VRK3: variants seen among roughly 807,000 people sequenced by gnomAD.
The protein encoded by VRK3 is serine/threonine-protein kinase VRK3.
Under a neutral mutation model 60.4 loss-of-function variants are expected in VRK3, and 50 were observed. That is an observed-to-expected ratio of 0.83 (90% CI 0.66 to 1.05). VRK3 has a LOEUF of 1.05. VRK3 is among the 50% of genes least tolerant of loss of function. The pLI is 0.00. For missense variants in VRK3, 549 were observed against 585.3 expected (o/e 0.94, Z 0.64); for synonymous variants, 246 against 227.8 (o/e 1.08, Z -0.72).
Position 49,988,476 on chromosome 19 carries a change from G to T in VRK3, c.1113C>A (p.Ser371Arg). The T allele has an allele frequency of 6.2e-7, 1 of 1,612,860 alleles. No homozygotes were observed. Among genetic ancestry groups the T allele is most frequent in the Non-Finnish European group, 8.5e-7 (1 of 1,179,328 alleles). ...LHKGCGPSRRSDLQSLGYCML... is the reference protein window; with the variant it reads ...LHKGCGPSRRRDLQSLGYCML... ...TGCAGTAGCCCAGGCTCTGGAGGTC[G>T]CTGCGGCGGGAGGGCCCTGGGGAAG... Residue 371 changes from serine (S) to arginine (R), a missense_variant, in exon 12 of 15, where the codon AGC (serine) becomes AGA (arginine). Coordinates refer to ENST00000316763, the MANE Select transcript of VRK3 (RefSeq NM_016440.4).
chr19:49,976,991 C>T lies in VRK3; in HGVS notation c.*12-207G>A, dbSNP rs192719627. On this transcript the variant is annotated intron_variant, in intron 14 of 14. Transcript: ENST00000316763. ...GAGACTACACACTAAACACACGCTT[C>T]CCTCCAGATGGGAACAAGGGCTGTG... Among the ~76,000 whole-genome samples, 243 of 152,236 alleles carry T rather than the reference C, an allele frequency of 1.6e-3. 1 individual carries two copies. Among genetic ancestry groups the T allele is most frequent in the Admixed American group, 3.3e-3 (50 of 15,292 alleles).
intron 10 of VRK3, among the ~76,000 whole-genome samples, chr19:49,992,596 ACAT>A (rs1397145471): frequency 5.9e-5 from 9 of 152,344 alleles, no homozygotes; most frequent in Admixed American, 5.9e-4. Flanking sequence ...GTTTTAAGTT[ACAT>A]CTCTATAGTT....
At chr19:49,982,306 C>T (rs1355057544) in intron 12 of VRK3, 4 of 684,468 alleles carry the variant, frequency 5.8e-6, no homozygotes, top group East Asian at 2.7e-5. Flanking sequence ...CATCAGACAG[C>T]CCTTCAGCAT....
At chr19:50,003,630 A>C (rs1438511977) in intron 5 of VRK3, among the ~76,000 whole-genome samples, 1 of 152,260 alleles carries the variant, frequency 6.6e-6, no homozygotes, top group African/African-American at 2.4e-5. Context: ...AGAGTGGGGT[A>C]AAGTGTCCAC....
At chr19:49,982,119 C>T in intron 12 of VRK3, 1 of 702,950 alleles carries the variant, frequency 1.4e-6, no homozygotes. Context: ...CTGCAAACTG[C>T]TGACGGTGAC....
intron 3 of VRK3, among the ~76,000 whole-genome samples, chr19:50,011,110 TGCTAAG>T: frequency 6.6e-6 from 1 of 152,136 alleles, no homozygotes; most frequent in South Asian, 2.1e-4. Context: ...ACTCCTGTAC[TGCTAAG>T]GCCCTAAGCT....
intron 1 of VRK3, among the ~76,000 whole-genome samples, chr19:50,022,767 C>T (rs1204871211): frequency 2.6e-5 from 4 of 152,152 alleles, no homozygotes; most frequent in Admixed American, 2.6e-4. Context: ...GCACTCCAGC[C>T]TGGGCAACAG....
chr19:49,981,859 T>C, intron 12 of VRK3: 1 of 1,200,284 alleles, frequency 8.3e-7, no homozygotes, highest in Non-Finnish European at 1.1e-6. Context: ...CAATGGGCGG[T>C]ATCCAAACAT....
intron 3 of VRK3, among the ~76,000 whole-genome samples, chr19:50,010,031 T>C (rs1241976701): frequency 6.6e-6 from 1 of 151,282 alleles, no homozygotes; most frequent in Non-Finnish European, 1.5e-5. Flanking sequence ...ACCGAGTTTC[T>C]GATTACAATA....
chr19:49,983,483 C>T (rs966311837), intron 12 of VRK3, among the ~76,000 whole-genome samples: 12 of 152,144 alleles, frequency 7.9e-5, no homozygotes, highest in East Asian at 1.9e-4. Flanking sequence ...CAGGAAGGCC[C>T]GGTTGTGCCA....
intron 5 of VRK3, 59 bp downstream of exon 5, chr19:50,007,510 C>T: frequency 1.2e-6 from 2 of 1,600,080 alleles, no homozygotes; most frequent in East Asian, 2.2e-5. Context: ...ACGGGGTCCC[C>T]TCCCACTGTC....
rs1242572229 is a variant in VRK3, at chr19:49,997,399, TA to T, written c.679+104del. ...ACAGATGGGAGCAAACCTGGGCCTT[TA>T]ATCTAAGCCCACCCTTCTCATGCCT... is the stretch of plus-strand genomic sequence containing the variant. On this transcript the variant is annotated intron_variant, in intron 7 of 14. Transcript: ENST00000316763. The T allele has an allele frequency of 4.6e-6, 6 of 1,304,056 alleles. No individual in the cohort carries two copies. In the African/African-American group the frequency reaches 8.8e-5, roughly 19 times the overall value. The allele number at this position is 1,304,056 out of a possible 1,614,324, so 80.8% of individuals were successfully genotyped here. A position where few individuals can be genotyped will look rare whatever the true frequency, so the allele number is the denominator to read the frequency against.
At chr19:49,997,384 G>T in intron 7 of VRK3, 120 bp downstream of exon 7, 1 of 1,121,060 alleles carries the variant, frequency 8.9e-7, no homozygotes, top group Non-Finnish European at 1.3e-6. Flanking sequence ...ACAGATGGGA[G>T]CAAACCTGGG....
chr19:49,987,779 T>C (rs1405107889), intron 12 of VRK3: 1 of 147,924 alleles, frequency 6.8e-6, no homozygotes, highest in African/African-American at 2.5e-5. Context: ...CTTGGCTCAC[T>C]GCAAGCTCCC....
At chr19:49,980,915 G>C (rs749636821) in intron 13 of VRK3, 40 bp downstream of exon 13, 198 of 1,582,380 alleles carry the variant, frequency 1.3e-4, no homozygotes, top group Non-Finnish European at 1.7e-4. Flanking sequence ...ACCAGGTCCT[G>C]CCCGAGTCCC....
At chr19:49,995,409 G>C (rs929637563) in intron 7 of VRK3, 134 bp from the exon 8 acceptor site, 1 of 737,334 alleles carries the variant, frequency 1.4e-6, no homozygotes, top group Non-Finnish European at 2.3e-6. Flanking sequence ...ACAACATTGT[G>C]GGTGGGTGAT....
intron 9 of VRK3, among the ~76,000 whole-genome samples, chr19:49,993,696 G>A (rs9304694): frequency 0.052 from 7,980 of 152,130 alleles, 692 homozygotes; most frequent in African/African-American, 0.18. Context: ...TGCTGCGCCC[G>A]GCCAATTCTT....
At chr19:50,009,470 T>G in intron 3 of VRK3, 85 bp from the exon 4 acceptor site, 1 of 1,511,718 alleles carries the variant, frequency 6.6e-7, no homozygotes, top group Non-Finnish European at 9.0e-7. Flanking sequence ...GAGGTTATAC[T>G]CAGCTATGCT....
chr19:49,989,601 A>T, intron 11 of VRK3, 38 bp downstream of exon 11: 2 of 1,572,684 alleles, frequency 1.3e-6, no homozygotes, highest in African/African-American at 1.4e-5. Context: ...TATAAGAAGC[A>T]TCTCTCTGCG....
Sources: allele counts gnomAD v4.1 joint callset (sites outside exome capture counted in the v4.1 genomes callset), GRCh38; gene constraint gnomAD v4.1.1; transcripts MANE v1.5; gene names NCBI Gene and HGNC (gene_info 2026-07-23, HGNC 2026-07-21).